SEPTIN7: variants seen among roughly 807,000 people sequenced by gnomAD.
SEPTIN7 encodes the protein septin 7.
In SEPTIN7, 10 loss-of-function variants were observed where a neutral mutation model predicts 63.3. The observed-to-expected ratio is 0.16, with a 90% CI of 0.10 to 0.27. The LOEUF (loss-of-function observed/expected upper bound fraction) is 0.27. Among genes scored for constraint, SEPTIN7 ranks in the 10% least tolerant of loss-of-function variants. The probability of loss-of-function intolerance (pLI) is 1.00; values close to 1 mark genes in which losing one functional copy is unlikely to be tolerated. For synonymous variants in SEPTIN7, 131 were observed against 165.3 expected, an observed-to-expected ratio of 0.79 and a Z score of 1.59; for missense variants, 310 against 521.0, an observed-to-expected ratio of 0.59 and a Z score of 3.94.
In SEPTIN7 at chr7:35,882,030, A is replaced by C. The variant is rs146153817; in HGVS notation, c.631-454A>C. The stretch of plus-strand genomic sequence containing the variant: ...ATGTTCAGGGAGCAGTGCTGTACTT[A>C]GTTTTACCTTACTTTTGCCAGATTC... On this transcript the variant is annotated intron_variant, in intron 7 of 13. Transcript: ENST00000350320. Among the ~76,000 whole-genome samples, 9 of 152,094 alleles carry C rather than the reference A, an allele frequency of 5.9e-5. No homozygotes were observed. The East Asian group carries it at 1.7e-3, about 29-fold the overall frequency.
the SEPTIN7 span, among the ~76,000 whole-genome samples, chr7:35,914,985 TGC>T: frequency 2.0e-5 from 3 of 152,004 alleles, no homozygotes; most frequent in Admixed American, 6.6e-5. Context: ...CACATATGCA[TGC>T]GTGTGTACAC....
intron 3 of SEPTIN7, among the ~76,000 whole-genome samples, chr7:35,861,474 G>A (rs1454390085): frequency 1.3e-5 from 2 of 152,210 alleles, no homozygotes; most frequent in African/African-American, 4.8e-5. Flanking sequence ...CCTTAACGTA[G>A]TGATCACCCT....
chr7:35,890,466 G>A, intron 10 of SEPTIN7: 1 of 321,996 alleles, frequency 3.1e-6, no homozygotes, highest in Non-Finnish European at 5.5e-6. Context: ...TAAATTTGGT[G>A]TCAAGTTAGC....
At position 35,873,759 on chromosome 7, in the gene SEPTIN7, G is replaced by A; in HGVS notation, c.496G>A (p.Ala166Thr). 6.2e-7 allele frequency: 1 copy of A among 1,610,268 alleles called. No homozygotes were observed. Among genetic ancestry groups the A allele is most frequent in the Non-Finnish European group, 8.5e-7 (1 of 1,178,736 alleles). ...GGTGCAGTGTTGTTTATACTTCATT[G>A]CTCCTTCAGGACATGGGTCAGTACC... is the stretch of plus-strand genomic sequence containing the variant. Reference protein sequence around the residue: ...NRVQCCLYFIAPSGHGLKPLD... With the variant: ...NRVQCCLYFITPSGHGLKPLD... The change falls in exon 6 of 14, where the codon GCT (alanine) becomes ACT (threonine). Residue 166 changes from alanine to threonine, a missense_variant. By Grantham distance (58) the Ala-to-Thr change is moderately conservative. Coordinates refer to ENST00000350320, the MANE Select transcript of SEPTIN7 (RefSeq NM_001788.6).
intron 3 of SEPTIN7, among the ~76,000 whole-genome samples, chr7:35,848,716 A>G (rs544652351): frequency 2.0e-5 from 3 of 152,314 alleles, no homozygotes; most frequent in Admixed American, 2.0e-4. Flanking sequence ...TAGGTCAGGC[A>G]GTATCTTTTA....
At chr7:35,848,759 T>A (rs1437392953) in intron 3 of SEPTIN7, among the ~76,000 whole-genome samples, 1 of 152,214 alleles carries the variant, frequency 6.6e-6, no homozygotes, top group African/African-American at 2.4e-5. Flanking sequence ...TTCTAAATAA[T>A]CATGAAGAAA....
chr7:35,838,011 G>A (rs1223758116), intron 3 of SEPTIN7, among the ~76,000 whole-genome samples: 1 of 152,098 alleles, frequency 6.6e-6, no homozygotes, highest in Non-Finnish European at 1.5e-5. Flanking sequence ...TTACAGGTGT[G>A]AGCCACCACA....
intron 3 of SEPTIN7, among the ~76,000 whole-genome samples, chr7:35,853,694 T>A (rs1785066714): frequency 6.6e-6 from 1 of 152,210 alleles, no homozygotes; most frequent in South Asian, 2.1e-4. Context: ...TAGCTCAATG[T>A]CTTTCTTATA....
At chr7:35,892,939 C>G (rs1440230028) in intron 11 of SEPTIN7, among the ~76,000 whole-genome samples, 1 of 152,180 alleles carries the variant, frequency 6.6e-6, no homozygotes, top group African/African-American at 2.4e-5. Context: ...TAGACTGTTA[C>G]TACTTCATTG....
At chr7:35,890,479 A>G in intron 10 of SEPTIN7, 189 bp from the exon 11 acceptor site, 1 of 367,174 alleles carries the variant, frequency 2.7e-6, no homozygotes, top group Non-Finnish European at 4.6e-6. Flanking sequence ...AAGTTAGCTT[A>G]TTTTTTGTTG....
Position 35,891,739 on chromosome 7 carries a change from T to C in SEPTIN7, c.998+946T>C, listed in dbSNP as rs565135216. Among the ~76,000 whole-genome samples the C allele has an allele frequency of 3.3e-5, 5 of 152,328 alleles. No homozygotes were observed. In the South Asian group the frequency reaches 1.0e-3, roughly 32 times the overall value. ...CTTAGGCTATACTAAATTTATTTTT[T>C]AAATTTCTCTTCAATAATCTTACTT... is the stretch of plus-strand genomic sequence containing the variant. On this transcript the variant is annotated intron_variant, in intron 11 of 13. Coordinates refer to ENST00000350320, the MANE Select transcript of SEPTIN7 (RefSeq NM_001788.6).
At chr7:35,813,662 A>G (rs769408865) in intron 1 of SEPTIN7, among the ~76,000 whole-genome samples, 1 of 152,178 alleles carries the variant, frequency 6.6e-6, no homozygotes, top group South Asian at 2.1e-4. Flanking sequence ...GGAGTAAGCC[A>G]CTGCACTCGG....
In SEPTIN7 at chr7:35,906,215, A is replaced by G. The variant is rs141711148; in HGVS notation, c.*1922A>G. On this transcript the variant is annotated 3_prime_UTR_variant, in exon 14 of 14. Transcript: ENST00000350320. ...CTATTTCAAAATTCTATGTATTATA[A>G]TAATAAATTTGTAAGACATTCATTA... 31 of 152,328 alleles carry G rather than the reference A, an allele frequency of 2.0e-4. No individual in the cohort carries two copies. The highest frequency in any genetic ancestry group is 7.5e-4 in the African/African-American group (31 of 41,574). 9.4% of individuals were successfully genotyped at this position (152,328 alleles called of 1,614,324 possible).
intron 6 of SEPTIN7, among the ~76,000 whole-genome samples, chr7:35,878,034 G>T (rs534579746): frequency 3.3e-5 from 5 of 152,112 alleles, no homozygotes; most frequent in African/African-American, 1.2e-4. Flanking sequence ...AAAGCAGAAT[G>T]GTTGTATGGT....
downstream of SEPTIN7, among the ~76,000 whole-genome samples, chr7:35,908,989 A>G (rs763462864): frequency 8.8e-4 from 134 of 152,378 alleles, no homozygotes; most frequent in Non-Finnish European, 1.5e-3. Context: ...TGGATAAGCC[A>G]GTAGTTTTAA....
intron 11 of SEPTIN7, 23 bp downstream of exon 11, chr7:35,890,816 A>G: frequency 1.3e-6 from 2 of 1,488,020 alleles, no homozygotes; most frequent in Non-Finnish European, 1.8e-6. Flanking sequence ...TTTTTTCTCC[A>G]AAAAGGTATT....
At chr7:35,831,187 C>A (rs1214328742) in intron 1 of SEPTIN7, among the ~76,000 whole-genome samples, 1 of 152,082 alleles carries the variant, frequency 6.6e-6, no homozygotes, top group Non-Finnish European at 1.5e-5. Context: ...TATATTTCAG[C>A]AGGACAGTTG....
At chr7:35,915,100 T>A in the SEPTIN7 span, among the ~76,000 whole-genome samples, 2 of 151,906 alleles carry the variant, frequency 1.3e-5, no homozygotes, top group Admixed American at 1.3e-4. Flanking sequence ...TATGCGTATG[T>A]ACACAGGTGC....
intron 1 of SEPTIN7, among the ~76,000 whole-genome samples, chr7:35,819,441 A>G (rs922328456): frequency 6.6e-6 from 1 of 152,126 alleles, no homozygotes; most frequent in African/African-American, 2.4e-5. Flanking sequence ...GGAATGTTGT[A>G]CAGCTATGTG....
Sources: allele counts gnomAD v4.1 joint callset (sites outside exome capture counted in the v4.1 genomes callset), GRCh38; gene constraint gnomAD v4.1.1; transcripts MANE v1.5; gene names NCBI Gene and HGNC (gene_info 2026-07-23, HGNC 2026-07-21).